RNF14: variants seen among roughly 807,000 people sequenced by gnomAD.
The protein encoded by RNF14 is ring finger protein 14.
A neutral mutation model predicts 52.6 loss-of-function variants in RNF14; 26 were observed. The ratio of observed to expected loss-of-function variants is 0.49; its 90% CI spans 0.36 to 0.69. The LOEUF is 0.69. Ranked by LOEUF, RNF14 falls within the 30% of genes least tolerant of loss-of-function variation. The pLI, the probability that RNF14 is intolerant of heterozygous loss-of-function variation, is 0.00. For missense variants in RNF14, 404 were observed against 560.4 expected (o/e 0.72, Z 2.82); for synonymous variants, 194 against 202.0 (o/e 0.96, Z 0.34).
upstream of RNF14, among the ~76,000 whole-genome samples, chr5:141,965,977 T>C (rs1436962705): frequency 6.9e-6 from 1 of 145,764 alleles, no homozygotes; most frequent in Non-Finnish European, 1.5e-5. Flanking sequence ...AACTTAAAAG[T>C]TAAAAAAAAA....
chr5:141,989,866 T>G lies in RNF14; in HGVS notation c.*2076T>G, dbSNP rs1183215567. 1 of 152,196 alleles carries G rather than the reference T, an allele frequency of 6.6e-6. No homozygotes were observed. Among genetic ancestry groups the G allele is most frequent in the East Asian group, 1.9e-4 (1 of 5,202 alleles). 9.4% of individuals were successfully genotyped at this position (152,196 alleles called of 1,614,324 possible). ...AGAAGCTCTATAGTTCGTGAGCTAC[T>G]TGATATTTTCTAGAGATCATTTTAT... On this transcript the variant is annotated 3_prime_UTR_variant, in exon 9 of 9. Coordinates refer to ENST00000394520, the MANE Select transcript of RNF14 (RefSeq NM_004290.5).
intron 3 of RNF14, 143 bp from the exon 4 acceptor site, chr5:141,974,661 A>T: frequency 1.4e-6 from 1 of 724,988 alleles, no homozygotes; most frequent in Non-Finnish European, 2.2e-6. Context: ...CTACGAAGTT[A>T]AAATTAAGAA....
chr5:141,962,525 G>A (rs1001434976), upstream of RNF14, among the ~76,000 whole-genome samples: 3 of 152,174 alleles, frequency 2.0e-5, no homozygotes, highest in African/African-American at 7.2e-5. Context: ...TGGAAAGAGA[G>A]GCTAAGTTGA....
Position 141,960,898 on chromosome 5 carries a change from C to G in RNF14, c.-181+2473C>G, listed in dbSNP as rs187804183. Among the ~76,000 whole-genome samples, 6 of 152,188 alleles carry G rather than the reference C, an allele frequency of 3.9e-5. No homozygotes were observed. The East Asian group carries it at 1.2e-3, about 29-fold the overall frequency. On this transcript the variant is annotated intron_variant, in intron 1 of 4. Transcript: ENST00000506822. ...TGATGCAGAAAACTCGTTTCCAGAG[C>G]GCCATCTGGTGGCCAAAGGCAGAGA... is the stretch of plus-strand genomic sequence containing the variant.
intron 8 of RNF14, among the ~76,000 whole-genome samples, chr5:141,987,529 C>A (rs1755346861): frequency 6.6e-6 from 1 of 152,106 alleles, no homozygotes; most frequent in Non-Finnish European, 1.5e-5. Context: ...AGTACTCATC[C>A]ACCTTAAATG....
At chr5:141,968,225 C>A (rs1188966412), upstream of RNF14, among the ~76,000 whole-genome samples, 3 of 151,546 alleles carry the variant, frequency 2.0e-5, no homozygotes, top group South Asian at 4.2e-4. Flanking sequence ...CCTGCCTCAG[C>A]CTCCCTAGTA....
chr5:141,968,118 C>CTTT (rs55650781), upstream of RNF14, among the ~76,000 whole-genome samples: 1 of 118,964 alleles, frequency 8.4e-6, no homozygotes, highest in Non-Finnish European at 1.8e-5. Context: ...TTGTGTTTGA[C>CTTT]TTTTTTTTTT....
upstream of RNF14, among the ~76,000 whole-genome samples, chr5:141,962,560 G>A (rs547921810): frequency 1.8e-4 from 27 of 152,294 alleles, 1 homozygote; most frequent in Admixed American, 1.3e-3. Context: ...ATAAATAGAC[G>A]GGAGGAGGGA....
chr5:141,981,061 T>C (rs1039393121), intron 6 of RNF14, among the ~76,000 whole-genome samples: 2 of 152,170 alleles, frequency 1.3e-5, no homozygotes, highest in Non-Finnish European at 2.9e-5. Context: ...AATTGGACTT[T>C]GGTGGCTTAG....
In RNF14 at chr5:141,983,395, T is replaced by TA; in HGVS notation, c.1080dup (p.Arg361ThrfsTer3). On this transcript the variant is annotated frameshift_variant, in exon 7 of 9. Coordinates refer to ENST00000394520, the MANE Select transcript of RNF14 (RefSeq NM_004290.5). LOFTEE classifies it high-confidence loss of function. ...CACTTTGTAGAGAAATTAATGGACT[T>TA]ACGAAATGAATACCTGCAAGCGGAT... 2 of 1,612,536 alleles carry TA rather than the reference T, an allele frequency of 1.2e-6. No homozygotes were observed. Among genetic ancestry groups the TA allele is most frequent in the Non-Finnish European group, 1.7e-6 (2 of 1,179,532 alleles).
Position 141,978,387 on chromosome 5 carries a change from A to G in RNF14, c.391A>G (p.Lys131Glu), listed in dbSNP as rs1754449531. 1.9e-6 allele frequency: 3 copies of G among 1,614,012 alleles called. No individual in the cohort carries two copies. Among genetic ancestry groups the G allele is most frequent in the Non-Finnish European group, 1.7e-6 (2 of 1,179,986 alleles). The change falls in exon 5 of 9, where the codon AAG (lysine) becomes GAG (glutamate). Residue 131 changes from lysine (K) to glutamate (E), a missense_variant. Lys to Glu is a moderately conservative substitution (Grantham distance 56). Transcript: ENST00000394520. ...VVLFAWMQFL[K>E]EETLAYLNIV... ...CCTGTTTGCCTGGATGCAATTTCTT[A>G]AGGAAGAGACCCTAGCATACTTGAA...
intron 5 of RNF14, 147 bp downstream of exon 5, chr5:141,978,977 G>A (rs1312418445): frequency 2.5e-6 from 2 of 815,662 alleles, no homozygotes; most frequent in Non-Finnish European, 1.9e-6. Context: ...CATTAAAAAT[G>A]CTATGGTCTT....
At chr5:141,959,865 T>G (rs1753244310) in intron 1 of RNF14, among the ~76,000 whole-genome samples, 1 of 152,130 alleles carries the variant, frequency 6.6e-6, no homozygotes, top group African/African-American at 2.4e-5. Context: ...TCTCCTAGCC[T>G]CTGTTTCCTT....
At chr5:141,956,800 C>G, upstream of RNF14, 1 of 1,614,240 alleles carries the variant, frequency 6.2e-7, no homozygotes, top group Non-Finnish European at 8.5e-7. Context: ...GACGTGGATG[C>G]TTGGGATGTT....
In RNF14 at chr5:141,973,594, G is replaced by A. The variant is rs138158057; in HGVS notation, c.6G>A (p.Ser2=). Reference sequence around the variant, plus strand: ...TTTAATGTTTTCAGGTCCTTATGTCGTCAGAAGATCGAGAAGCTCAGGAGG... The same window carrying A: ...TTTAATGTTTTCAGGTCCTTATGTCATCAGAAGATCGAGAAGCTCAGGAGG... M[S]SEDREAQEDE... The change falls in exon 3 of 9, where the codon TCG becomes TCA. Residue 2 remains serine, a synonymous_variant. Coordinates refer to ENST00000394520, the MANE Select transcript of RNF14 (RefSeq NM_004290.5). The A allele has an allele frequency of 5.6e-4, 907 of 1,608,054 alleles. 9 individuals carry two copies. The African/African-American group carries it at 0.01, about 18-fold the overall frequency.
intron 6 of RNF14, among the ~76,000 whole-genome samples, chr5:141,982,373 A>G (rs555863725): frequency 9.8e-5 from 15 of 152,318 alleles, no homozygotes; most frequent in African/African-American, 3.6e-4. Context: ...GGAATGTACT[A>G]CACAGAGAAA....
chr5:141,986,628 G>A lies in RNF14; in HGVS notation c.1368-1105G>A, dbSNP rs536904079. ...GGATTCTAAAAGGACTGTTTTGTTC[G>A]TTTGTTTTAATTTGGAAAGGAGAGC... is the stretch of plus-strand genomic sequence containing the variant. On this transcript the variant is annotated intron_variant, in intron 8 of 8. Coordinates refer to ENST00000394520, the MANE Select transcript of RNF14 (RefSeq NM_004290.5). 2.5e-4 allele frequency among the ~76,000 whole-genome samples: 38 copies of A among 152,096 alleles called. 1 individual carries two copies. The highest frequency in any genetic ancestry group is 4.1e-4 in the South Asian group (2 of 4,820).
intron 8 of RNF14, among the ~76,000 whole-genome samples, chr5:141,986,075 T>C (rs1300437412): frequency 6.6e-6 from 1 of 152,232 alleles, no homozygotes; most frequent in Non-Finnish European, 1.5e-5. Context: ...AAGAGGTCCA[T>C]GATGTCCCTC....
intron 3 of RNF14, among the ~76,000 whole-genome samples, chr5:141,974,474 T>G (rs1041659016): frequency 2.6e-5 from 4 of 152,228 alleles, no homozygotes; most frequent in African/African-American, 9.7e-5. Context: ...GATTGTGTCT[T>G]CAATCATCCA....
Sources: gnomAD v4.1 joint callset for allele counts (sites outside exome capture counted in the v4.1 genomes callset) on GRCh38, gnomAD v4.1.1 for gene constraint, MANE v1.5 for transcripts, NCBI Gene and HGNC (gene_info 2026-07-23, HGNC 2026-07-21) for gene names.